The following TRHDE variants were observed in gnomAD, a reference collection of about 807,000 sequenced individuals.
The protein encoded by TRHDE is thyrotropin releasing hormone degrading enzyme, also known as thyrotropin-releasing hormone-degrading ectoenzyme.
A neutral mutation model predicts 125.7 loss-of-function variants in TRHDE; 72 were observed. That is an observed-to-expected ratio of 0.57 (90% CI 0.47 to 0.70). TRHDE has a LOEUF of 0.70. Among genes scored for constraint, TRHDE ranks in the 30% least tolerant of loss-of-function variants. The probability of loss-of-function intolerance (pLI) is 0.00; values close to 1 mark genes in which losing one functional copy is unlikely to be tolerated. For synonymous variants in TRHDE, 509 were observed against 509.1 expected (o/e 1.00, Z 0.00); for missense variants, 1,110 against 1,327.1 (o/e 0.84, Z 2.54).
At chr12:72,606,100 C>A (rs752524270) in intron 12 of TRHDE, among the ~76,000 whole-genome samples, 10 of 152,184 alleles carry the variant, frequency 6.6e-5, no homozygotes, top group Non-Finnish European at 1.2e-4. Context: ...TGACTTCCCA[C>A]TTCTGATTTA....
intron 15 of TRHDE, among the ~76,000 whole-genome samples, chr12:72,631,216 A>T (rs1873481777): frequency 6.6e-6 from 1 of 151,716 alleles, no homozygotes; most frequent in South Asian, 2.1e-4. Flanking sequence ...GCATGTATAC[A>T]CCTTAAATAT....
At position 72,663,270 on chromosome 12, in the gene TRHDE, T is replaced by A; in HGVS notation, c.*75T>A. 4 of 1,267,010 alleles carry A rather than the reference T, an allele frequency of 3.2e-6. No individual in the cohort carries two copies. Among genetic ancestry groups the A allele is most frequent in the Non-Finnish European group, 4.2e-6 (4 of 946,536 alleles). 78.5% of individuals were successfully genotyped at this position (1,267,010 alleles called of 1,614,324 possible). ...CACGCTTTTTGTGGAATGAGGAAAA[T>A]GTACTACCTAGAAAATGGCCAGATT... On this transcript the variant is annotated 3_prime_UTR_variant, in exon 19 of 19. Coordinates refer to ENST00000261180, the MANE Select transcript of TRHDE (RefSeq NM_013381.3).
chr12:72,140,086 C>T (rs1876079880), intron 2 of TRHDE: 1 of 152,160 alleles, frequency 6.6e-6, no homozygotes, highest in African/African-American at 2.4e-5. Context: ...TGGGGAAAGC[C>T]TACATGCTGG....
At chr12:72,448,299 G>A (rs756623852) in intron 3 of TRHDE, among the ~76,000 whole-genome samples, 10 of 152,016 alleles carry the variant, frequency 6.6e-5, no homozygotes, top group Non-Finnish European at 7.4e-5. Context: ...AGTGCCTTGC[G>A]TAAGAGGTGG....
In TRHDE at chr12:72,238,312, ATATATATATACATATATATATACACAT is replaced by A. The variant is rs57442302; in HGVS notation, n.279+132571_279+132597del. On this transcript the variant is annotated intron_variant and non_coding_transcript_variant, in intron 2 of 4. Coordinates refer to the TRHDE transcript ENST00000548156. ...TATATATATATATATATATATATATATATATATATACATATATATATACACATTATATATATATATATATATATATAC... is the reference window on the plus strand; with the variant it reads ...TATATATATATATATATATATATATATATATATATATATATATATATATAC... 2.4e-3 allele frequency among the ~76,000 whole-genome samples: 84 copies of A among 34,966 alleles called. 16 individuals are homozygous for A. The highest frequency in any genetic ancestry group is 4.1e-3 in the Non-Finnish European group (67 of 16,264). 22.9% of individuals were successfully genotyped at this position (34,966 alleles called of 152,430 possible).
intron 6 of TRHDE, among the ~76,000 whole-genome samples, chr12:72,503,877 C>A (rs1878253729): frequency 6.6e-6 from 1 of 152,126 alleles, no homozygotes; most frequent in African/African-American, 2.4e-5. Flanking sequence ...TAGATTATTA[C>A]TGGCCAATCC....
In TRHDE at chr12:72,130,418, A is replaced by T. The variant is rs142328979; in HGVS notation, n.279+24666A>T. Among the ~76,000 whole-genome samples, 3 of 152,316 alleles carry T rather than the reference A, an allele frequency of 2.0e-5. No individual in the cohort carries two copies. The East Asian group carries it at 5.8e-4, about 29-fold the overall frequency. On this transcript the variant is annotated intron_variant and non_coding_transcript_variant, in intron 2 of 4. Transcript: ENST00000548156. ...ATAATGCAAAGCCATAGTTATAAAG[A>T]TAGTATTGTACTGGTATTGGGCCCA...
Position 72,411,144 on chromosome 12 carries a change from A to T in TRHDE, c.1315+33023A>T, listed in dbSNP as rs913857627. Among the ~76,000 whole-genome samples the T allele has an allele frequency of 4.0e-5, 6 of 149,086 alleles. No individual in the cohort carries two copies. The South Asian group carries it at 1.3e-3, about 33-fold the overall frequency. Reference sequence around the variant, plus strand: ...TGTGAACCCAGGAGGCGGAGCTTGCAGTGAGCCGAGATTGCGCCACTGCAC... The same window carrying T: ...TGTGAACCCAGGAGGCGGAGCTTGCTGTGAGCCGAGATTGCGCCACTGCAC... On this transcript the variant is annotated intron_variant, in intron 3 of 18. Coordinates refer to ENST00000261180, the MANE Select transcript of TRHDE (RefSeq NM_013381.3).
At chr12:72,656,336 G>A (rs941099425) in intron 17 of TRHDE, among the ~76,000 whole-genome samples, 5 of 151,802 alleles carry the variant, frequency 3.3e-5, no homozygotes, top group Admixed American at 6.6e-5. Flanking sequence ...ATTTTGCCTC[G>A]GTTTCTAAGA....
chr12:72,581,180 G>A (rs1871208916), intron 12 of TRHDE, among the ~76,000 whole-genome samples: 1 of 152,152 alleles, frequency 6.6e-6, no homozygotes, highest in Non-Finnish European at 1.5e-5. Flanking sequence ...GCCAGATAAG[G>A]TGAAAATTCT....
chr12:72,393,188 T>C (rs1432606797), intron 3 of TRHDE, among the ~76,000 whole-genome samples: 1 of 152,222 alleles, frequency 6.6e-6, no homozygotes, highest in African/African-American at 2.4e-5. Context: ...GAATTAACAC[T>C]TATTTTCCTC....
intron 11 of TRHDE, 24 bp from the exon 12 acceptor site, chr12:72,575,463 A>G: frequency 6.2e-7 from 1 of 1,613,482 alleles, no homozygotes; most frequent in African/African-American, 1.3e-5. Context: ...AAATTATCCT[A>G]TTATTTTTTC....
chr12:72,115,676 A>C (rs1424157671), intron 2 of TRHDE, among the ~76,000 whole-genome samples: 2 of 152,076 alleles, frequency 1.3e-5, no homozygotes, highest in Non-Finnish European at 2.9e-5. Flanking sequence ...ACAGTGTACA[A>C]TGGTTCCCTT....
chr12:72,469,885 G>A lies in TRHDE; in HGVS notation c.1443G>A (p.Met481Ile). 3.1e-6 allele frequency: 5 copies of A among 1,614,024 alleles called. No homozygotes were observed. Among genetic ancestry groups the A allele is most frequent in the Non-Finnish European group, 4.2e-6 (5 of 1,179,966 alleles). Reference sequence around the variant, plus strand: ...TTTCTTATTTGCTGGATGTCACCATGGTCATTGTTCATGAGATATGTCACC... The same window carrying A: ...TTTCTTATTTGCTGGATGTCACCATAGTCATTGTTCATGAGATATGTCACC... The part of the protein sequence containing the change: ...SSISYLLDVT[M>I]VIVHEICHQW... Residue 481 changes from methionine (M) to isoleucine (I), a missense_variant, in exon 4 of 19, where the codon ATG (methionine) becomes ATA (isoleucine). Met to Ile is a conservative substitution (Grantham distance 10, BLOSUM62 1). Coordinates refer to ENST00000261180, the MANE Select transcript of TRHDE (RefSeq NM_013381.3).
intron 2 of TRHDE, among the ~76,000 whole-genome samples, chr12:72,226,124 C>G (rs1028345706): frequency 1.3e-5 from 2 of 152,170 alleles, no homozygotes; most frequent in African/African-American, 4.8e-5. Flanking sequence ...TCAAGTGAGA[C>G]CAGGATCTCT....
chr12:72,502,334 A>C (rs1342245434), intron 6 of TRHDE, among the ~76,000 whole-genome samples: 2 of 151,874 alleles, frequency 1.3e-5, no homozygotes, highest in Non-Finnish European at 2.9e-5. Flanking sequence ...AAATCTCCCA[A>C]ATTTTGATAT....
In TRHDE at chr12:72,432,565, A is replaced by C. The variant is rs540484699; in HGVS notation, c.1316-37193A>C. Among the ~76,000 whole-genome samples the C allele has an allele frequency of 1.4e-4, 21 of 152,114 alleles. No homozygotes were observed. In the South Asian group the frequency reaches 3.3e-3, roughly 24 times the overall value. ...CTGCAGAACCTTCCGGCCTTTCAGAAGGTTTGTGTCTTTTCCCTATAGTTT... is the reference window on the plus strand; with the variant it reads ...CTGCAGAACCTTCCGGCCTTTCAGACGGTTTGTGTCTTTTCCCTATAGTTT... On this transcript the variant is annotated intron_variant, in intron 3 of 18. Transcript: ENST00000261180.
intron 2 of TRHDE, among the ~76,000 whole-genome samples, chr12:72,330,442 G>T (rs1014854693): frequency 4.6e-5 from 7 of 152,190 alleles, no homozygotes; most frequent in African/African-American, 7.2e-5. Context: ...GGAAGTGTCA[G>T]AACTGGAGCC....
At chr12:72,164,879 G>A (rs1021818856) in intron 2 of TRHDE, among the ~76,000 whole-genome samples, 6 of 152,134 alleles carry the variant, frequency 3.9e-5, no homozygotes, top group Non-Finnish European at 7.3e-5. Context: ...TCTCTGGGCC[G>A]GCCACTTCCA....
Sources: allele counts gnomAD v4.1 joint callset (sites outside exome capture counted in the v4.1 genomes callset), GRCh38; gene constraint gnomAD v4.1.1; transcripts MANE v1.5; gene names NCBI Gene and HGNC (gene_info 2026-07-23, HGNC 2026-07-21).